Variants in KCNIP4 observed in about 807,000 individuals in gnomAD.
KCNIP4 encodes potassium voltage-gated channel interacting protein 4, also known as Kv channel-interacting protein 4.
A neutral mutation model predicts 34.0 loss-of-function variants in KCNIP4; 12 were observed. The observed-to-expected ratio is 0.35, with a 90% confidence interval of 0.23 to 0.57. The LOEUF (loss-of-function observed/expected upper bound fraction) is 0.57, where lower values mean the gene tolerates loss of function less well. Among genes scored for constraint, KCNIP4 ranks in the 20% least tolerant of loss-of-function variants. KCNIP4 has a pLI of 0.83. For synonymous variants in KCNIP4, 124 were observed against 102.2 expected (o/e 1.21, Z -1.29); for missense variants, 238 against 311.7 (o/e 0.76, Z 1.78).
intron 1 of KCNIP4, among the ~76,000 whole-genome samples, chr4:21,898,744 T>A (rs1727544615): frequency 6.6e-6 from 1 of 152,138 alleles, no homozygotes; most frequent in African/African-American, 2.4e-5. Flanking sequence ...AGAAAGAGAC[T>A]TCTTCTGTTT....
chr4:21,221,509 G>T (rs1471982841), intron 1 of KCNIP4, among the ~76,000 whole-genome samples: 3 of 152,056 alleles, frequency 2.0e-5, no homozygotes, highest in African/African-American at 7.2e-5. Context: ...AGAGGGGAGA[G>T]CCCCTTATAA....
intron 1 of KCNIP4, among the ~76,000 whole-genome samples, chr4:21,570,395 G>A (rs1740270293): frequency 1.3e-5 from 2 of 152,102 alleles, no homozygotes; most frequent in South Asian, 2.1e-4. Context: ...GTCAATAATG[G>A]TGATTCCCTG....
chr4:21,660,542 G>T (rs1427554178), intron 1 of KCNIP4, among the ~76,000 whole-genome samples: 1 of 152,122 alleles, frequency 6.6e-6, no homozygotes, highest in Admixed American at 6.6e-5. Context: ...AGTTGGAAAA[G>T]ACAAGAGTAA....
At chr4:21,208,287 A>G (rs1253384242) in intron 1 of KCNIP4, among the ~76,000 whole-genome samples, 1 of 152,152 alleles carries the variant, frequency 6.6e-6, no homozygotes, top group Non-Finnish European at 1.5e-5. Flanking sequence ...ACAGTTTCGT[A>G]ATTGGCCTTA....
intron 1 of KCNIP4, among the ~76,000 whole-genome samples, chr4:21,587,210 C>T (rs68131292): frequency 0.15 from 22,906 of 151,896 alleles, 2,042 homozygotes; most frequent in South Asian, 0.21. Flanking sequence ...TTTAAAATCC[C>T]GCACTATTGG....
At chr4:21,371,101 A>C (rs1418019568) in intron 1 of KCNIP4, among the ~76,000 whole-genome samples, 1 of 142,488 alleles carries the variant, frequency 7.0e-6, no homozygotes, top group Non-Finnish European at 1.5e-5. Flanking sequence ...CCAGAGATTA[A>C]ATTAGAGGTG....
chr4:21,270,797 G>T (rs1762094148), intron 1 of KCNIP4, among the ~76,000 whole-genome samples: 1 of 151,982 alleles, frequency 6.6e-6, no homozygotes, highest in Admixed American at 6.6e-5. Context: ...GACCAGCCTG[G>T]CCAACAAGGT....
chr4:20,745,612 A>C (rs1344737987), intron 5 of KCNIP4, among the ~76,000 whole-genome samples: 1 of 152,184 alleles, frequency 6.6e-6, no homozygotes, highest in Non-Finnish European at 1.5e-5. Context: ...AAGTACAAAA[A>C]ATGATAAAGG....
chr4:20,942,734 C>T (rs564882254), intron 1 of KCNIP4, among the ~76,000 whole-genome samples: 3 of 152,180 alleles, frequency 2.0e-5, no homozygotes, highest in South Asian at 2.1e-4. Flanking sequence ...TCCAATGGCA[C>T]GATCTTGGCT....
chr4:21,563,050 T>C (rs940513916), intron 1 of KCNIP4, among the ~76,000 whole-genome samples: 25 of 152,070 alleles, frequency 1.6e-4, no homozygotes, highest in African/African-American at 5.3e-4. Flanking sequence ...ATTACTTCTC[T>C]GTTGGTTGGT....
chr4:21,297,026 GTA>G lies in KCNIP4; in HGVS notation c.62-414319_62-414318del, dbSNP rs572991885. On this transcript the variant is annotated intron_variant, in intron 1 of 8. Transcript: ENST00000382152. ...TATACATACACACATACATAAGTACGTATGTGTGTGTGCGTGTGTTTGTGTGT... is the reference window on the plus strand; with the variant it reads ...TATACATACACACATACATAAGTACGTGTGTGTGTGCGTGTGTTTGTGTGT... Among the ~76,000 whole-genome samples, 671 of 151,216 alleles carry G rather than the reference GTA, an allele frequency of 4.4e-3. 9 individuals carry two copies. Among genetic ancestry groups the G allele is most frequent in the African/African-American group, 0.016 (641 of 41,164 alleles).
At chr4:20,975,430 T>C (rs1463671429) in intron 1 of KCNIP4, among the ~76,000 whole-genome samples, 7 of 152,080 alleles carry the variant, frequency 4.6e-5, no homozygotes, top group South Asian at 2.1e-4. Flanking sequence ...TGAAAACCAA[T>C]AGGACAGGGC....
At chr4:21,093,329 C>G (rs1747161283) in intron 1 of KCNIP4, among the ~76,000 whole-genome samples, 1 of 152,210 alleles carries the variant, frequency 6.6e-6, no homozygotes. Flanking sequence ...TACAATGTGA[C>G]TTTACTCGTA....
At chr4:21,621,355 G>C (rs1265291915) in intron 1 of KCNIP4, among the ~76,000 whole-genome samples, 1 of 152,066 alleles carries the variant, frequency 6.6e-6, no homozygotes, top group Non-Finnish European at 1.5e-5. Flanking sequence ...TCATAATTTT[G>C]CCATCTTATT....
intron 1 of KCNIP4, among the ~76,000 whole-genome samples, chr4:21,885,690 G>T (rs1299009335): frequency 3.3e-5 from 5 of 152,092 alleles, no homozygotes. Flanking sequence ...AACGTGTTTT[G>T]CTTTAAATGT....
intron 1 of KCNIP4, among the ~76,000 whole-genome samples, chr4:21,927,487 C>G (rs1472322584): frequency 1.3e-5 from 2 of 152,104 alleles, no homozygotes; most frequent in African/African-American, 4.8e-5. Context: ...ATGGAACCCT[C>G]AAGACATAGC....
intron 1 of KCNIP4, among the ~76,000 whole-genome samples, chr4:21,647,739 T>C (rs939572849): frequency 2.6e-5 from 4 of 152,068 alleles, no homozygotes; most frequent in Non-Finnish European, 4.4e-5. Context: ...ATCATTCTAT[T>C]GTTCTCAACA....
At chr4:21,661,636 C>T (rs1157769458) in intron 1 of KCNIP4, among the ~76,000 whole-genome samples, 1 of 152,136 alleles carries the variant, frequency 6.6e-6, no homozygotes, top group Non-Finnish European at 1.5e-5. Flanking sequence ...CACTGTGGCT[C>T]AGAGTGATGA....
intron 1 of KCNIP4, among the ~76,000 whole-genome samples, chr4:21,455,564 A>G (rs941369637): frequency 4.0e-5 from 6 of 151,534 alleles, no homozygotes; most frequent in African/African-American, 1.5e-4. Flanking sequence ...ATGTAGTTTT[A>G]TCAGATAAAT....
Sources: allele counts gnomAD v4.1 joint callset (sites outside exome capture counted in the v4.1 genomes callset), GRCh38; gene constraint gnomAD v4.1.1; transcripts MANE v1.5; gene names NCBI Gene and HGNC (gene_info 2026-07-23, HGNC 2026-07-21).